The following SRBD1 variants were observed in gnomAD, a reference collection of about 807,000 sequenced individuals.
SRBD1 encodes S1 RNA-binding domain-containing protein 1.
SRBD1 carries 88 observed loss-of-function variants against 115.3 expected under a neutral mutation model. The ratio of observed to expected loss-of-function variants is 0.76; its 90% CI spans 0.64 to 0.91. The LOEUF (loss-of-function observed/expected upper bound fraction) is 0.91. Ranked by LOEUF, SRBD1 falls within the 40% of genes least tolerant of loss-of-function variation. The pLI, the probability that SRBD1 is intolerant of heterozygous loss-of-function variation, is 0.00. For synonymous variants in SRBD1, 509 were observed against 407.7 expected (o/e 1.25, Z -2.99); for missense variants, 1,385 against 1,177.4 (o/e 1.18, Z -2.58).
At chr2:45,429,427 A>C (rs1668263274) in intron 16 of SRBD1, among the ~76,000 whole-genome samples, 1 of 151,766 alleles carries the variant, frequency 6.6e-6, no homozygotes, top group East Asian at 1.9e-4. Flanking sequence ...CCAACAGTAC[A>C]TCAAAAAGCT....
At chr2:45,530,909 TG>T (rs1339653196) in intron 14 of SRBD1, among the ~76,000 whole-genome samples, 1 of 152,066 alleles carries the variant, frequency 6.6e-6, no homozygotes, top group African/African-American at 2.4e-5. Context: ...GAGATCAGCC[TG>T]GGCAACACAG....
chr2:45,581,586 G>A, intron 6 of SRBD1, 107 bp downstream of exon 6: 1 of 733,712 alleles, frequency 1.4e-6, no homozygotes, highest in South Asian at 2.0e-5. Context: ...TTAAATAATG[G>A]TGGCTAATGA....
chr2:45,409,507 G>A (rs868350719), intron 19 of SRBD1, among the ~76,000 whole-genome samples: 2 of 99,802 alleles, frequency 2.0e-5, no homozygotes, highest in African/African-American at 7.9e-5. Flanking sequence ...CCCGGCCATT[G>A]CAATAGGCAA....
At chr2:45,457,179 C>T (rs193187886) in intron 16 of SRBD1, among the ~76,000 whole-genome samples, 177 of 151,970 alleles carry the variant, frequency 1.2e-3, no homozygotes, top group African/African-American at 4.1e-3. Context: ...CTCCCTGTCA[C>T]CCCAAAGAAG....
intron 14 of SRBD1, among the ~76,000 whole-genome samples, chr2:45,543,186 T>G (rs1672001969): frequency 6.6e-6 from 1 of 152,240 alleles, no homozygotes; most frequent in East Asian, 1.9e-4. Flanking sequence ...TAACTGAGAC[T>G]CAGCATGGTT....
At chr2:45,546,951 T>G (rs1026391294) in intron 13 of SRBD1, 112 bp from the exon 14 acceptor site, 2 of 998,136 alleles carry the variant, frequency 2.0e-6, no homozygotes, top group Admixed American at 3.9e-5. Flanking sequence ...TATTCTCTCA[T>G]ATATACAAGC....
At chr2:45,571,532 A>AC (rs956199337) in intron 9 of SRBD1, among the ~76,000 whole-genome samples, 7 of 149,568 alleles carry the variant, frequency 4.7e-5, no homozygotes, top group African/African-American at 1.5e-4. Flanking sequence ...AAAAAAAAAA[A>AC]AAAAAAAAAA....
At chr2:45,523,752 T>TA (rs1671358614) in intron 14 of SRBD1, among the ~76,000 whole-genome samples, 1 of 151,312 alleles carries the variant, frequency 6.6e-6, no homozygotes, top group African/African-American at 2.4e-5. Context: ...ACCAAACATT[T>TA]AAAAAAAGAA....
chr2:45,571,654 G>T (rs1673021943), intron 9 of SRBD1, among the ~76,000 whole-genome samples: 1 of 151,628 alleles, frequency 6.6e-6, no homozygotes, highest in African/African-American at 2.4e-5. Flanking sequence ...AGAAAGCCAG[G>T]AGAATGATCT....
intron 19 of SRBD1, among the ~76,000 whole-genome samples, chr2:45,395,745 G>T (rs1667129177): frequency 6.6e-6 from 1 of 152,148 alleles, no homozygotes; most frequent in Non-Finnish European, 1.5e-5. Context: ...CATTTAGACT[G>T]ACCTCTACCT....
At chr2:45,552,625 A>G (rs1672338215) in intron 11 of SRBD1, among the ~76,000 whole-genome samples, 1 of 152,236 alleles carries the variant, frequency 6.6e-6, no homozygotes, top group African/African-American at 2.4e-5. Flanking sequence ...GGAAGAACCA[A>G]ATTCCTAATT....
At position 45,508,673 on chromosome 2, in the gene SRBD1, C is replaced by G. The variant is rs145602869; in HGVS notation, c.1875-20342G>C. Among the ~76,000 whole-genome samples, 350 of 152,222 alleles carry G rather than the reference C, an allele frequency of 2.3e-3. 2 individuals are homozygous for G. The highest frequency in any genetic ancestry group is 8.2e-3 in the African/African-American group (342 of 41,542). On this transcript the variant is annotated intron_variant, in intron 14 of 20. Transcript: ENST00000263736. ...AAACAAAAGTATGTTAGAATACAAA[C>G]TCAATGTGTGATATGCTATGTTGAC...
At chr2:45,404,394 T>C (rs1191790840) in intron 19 of SRBD1, among the ~76,000 whole-genome samples, 2 of 152,112 alleles carry the variant, frequency 1.3e-5, no homozygotes, top group Non-Finnish European at 2.9e-5. Context: ...ACTATGGGAG[T>C]AATCACTGTT....
chr2:45,422,141 A>T (rs1668025841), intron 16 of SRBD1, among the ~76,000 whole-genome samples: 1 of 152,224 alleles, frequency 6.6e-6, no homozygotes, highest in South Asian at 2.1e-4. Flanking sequence ...GGAAAAAGGA[A>T]GAATAATCGT....
intron 14 of SRBD1, among the ~76,000 whole-genome samples, chr2:45,497,969 A>G (rs1670513322): frequency 6.6e-6 from 1 of 152,062 alleles, no homozygotes; most frequent in African/African-American, 2.4e-5. Context: ...GCACCACAGC[A>G]CCCCAGCCTG....
At chr2:45,486,666 G>T (rs1670130373) in intron 15 of SRBD1, among the ~76,000 whole-genome samples, 1 of 152,042 alleles carries the variant, frequency 6.6e-6, no homozygotes, top group Non-Finnish European at 1.5e-5. Flanking sequence ...CCCGGAGGGA[G>T]AGCTTGCAGT....
chr2:45,530,059 G>A lies in SRBD1; in HGVS notation c.1874+16673C>T, dbSNP rs572366581. Among the ~76,000 whole-genome samples the A allele has an allele frequency of 3.3e-5, 5 of 152,136 alleles. No individual in the cohort carries two copies. The East Asian group carries it at 7.7e-4, about 23-fold the overall frequency. ...TCTAAATTCAAACCAGGAATTAGAA[G>A]AGTGGCCTACCAAACTTCTTATGTA... On this transcript the variant is annotated intron_variant, in intron 14 of 20. Transcript: ENST00000263736.
intron 18 of SRBD1, 22 bp from the exon 19 acceptor site, chr2:45,413,315 C>T: frequency 6.3e-7 from 1 of 1,596,334 alleles, no homozygotes. Flanking sequence ...CAGAAAAAAC[C>T]ACATTTATGA....
chr2:45,418,240 CA>C, intron 18 of SRBD1, 124 bp downstream of exon 18: 3 of 1,121,008 alleles, frequency 2.7e-6, no homozygotes, highest in Non-Finnish European at 3.8e-6. Context: ...AGTCACTCAA[CA>C]CTTAACTGAA....
Sources: gnomAD v4.1 joint callset for allele counts (sites outside exome capture counted in the v4.1 genomes callset) on GRCh38, gnomAD v4.1.1 for gene constraint, MANE v1.5 for transcripts, NCBI Gene and HGNC (gene_info 2026-07-23, HGNC 2026-07-21) for gene names.